Variants in CD72 observed in about 807,000 individuals in gnomAD.
CD72 encodes B-cell differentiation antigen CD72.
Under a neutral mutation model 50.7 loss-of-function variants are expected in CD72, and 28 were observed. The ratio of observed to expected loss-of-function variants is 0.55; its 90% CI spans 0.41 to 0.76. The LOEUF (loss-of-function observed/expected upper bound fraction) is 0.76. Ranked by LOEUF, CD72 falls within the 30% of genes least tolerant of loss-of-function variation. The pLI, the probability that CD72 is intolerant of heterozygous loss-of-function variation, is 0.00. For synonymous variants in CD72, 176 were observed against 171.2 expected (o/e 1.03, Z -0.22); for missense variants, 403 against 420.6 (o/e 0.96, Z 0.37).
intron 1 of CD72, among the ~76,000 whole-genome samples, chr9:35,634,043 A>G (rs573966142): frequency 5.3e-5 from 8 of 152,328 alleles, no homozygotes; most frequent in African/African-American, 1.2e-4. Flanking sequence ...TTTTAATGGT[A>G]GATTTCAGTC....
intron 1 of CD72, among the ~76,000 whole-genome samples, chr9:35,645,393 C>A (rs1587911297): frequency 6.6e-6 from 1 of 152,018 alleles, no homozygotes; most frequent in Non-Finnish European, 1.5e-5. Context: ...ACCGGCCTGG[C>A]CAACACGGTG....
At chr9:35,621,367 G>T (rs897340815), upstream of CD72, among the ~76,000 whole-genome samples, 1 of 152,296 alleles carries the variant, frequency 6.6e-6, no homozygotes, top group East Asian at 1.9e-4. Flanking sequence ...GTGGAAGGGG[G>T]CTCACCTGAT....
chr9:35,616,055 T>C lies in CD72; in HGVS notation c.576A>G (p.Arg192=), dbSNP rs369565307. ...EGQLQACQAD[R]QKTKETLQSE... ...TTTGCAAGGTCTCCTTCGTCTTCTG[T>C]CTGTCTGCCTGGCAGGCCTGTAGCT... Residue 192 remains arginine, a synonymous_variant, in exon 5 of 9, where the codon AGA becomes AGG. Transcript: ENST00000259633. 1.4e-4 allele frequency: 218 copies of C among 1,614,020 alleles called. No homozygotes were observed. Among genetic ancestry groups the C allele is most frequent in the Admixed American group, 4.2e-4 (25 of 59,992 alleles).
At chr9:35,639,093 T>G (rs1195314899) in intron 1 of CD72, among the ~76,000 whole-genome samples, 1 of 151,914 alleles carries the variant, frequency 6.6e-6, no homozygotes, top group South Asian at 2.1e-4. Flanking sequence ...TTTGACACAT[T>G]ATTTCAAAAG....
chr9:35,625,943 G>C (rs1003391562), intron 1 of CD72, among the ~76,000 whole-genome samples: 4 of 152,120 alleles, frequency 2.6e-5, no homozygotes, highest in African/African-American at 9.7e-5. Context: ...CATTGGCAAT[G>C]TGCCTAGTCA....
exon 1 of CD72, chr9:35,646,496 G>A (rs1399720700): frequency 6.6e-6 from 1 of 152,264 alleles, no homozygotes; most frequent in Non-Finnish European, 1.5e-5. Flanking sequence ...GATGTCTTAA[G>A]TTCCAGGTTC....
At position 35,610,636 on chromosome 9, in the gene CD72, C is replaced by T. The variant is rs1219089675; in HGVS notation, c.1068G>A (p.Arg356=). The T allele has an allele frequency of 1.2e-6, 2 of 1,613,854 alleles. No individual in the cohort carries two copies. Among genetic ancestry groups the T allele is most frequent in the East Asian group, 2.2e-5 (1 of 44,888 alleles). ...LPYICEMTAF[R]FPD ...GCAAAGGACTGTCCTAATCTGGAAA[C>T]CTGAAAGCTGTCATCTCACAGATGT... Residue 356 remains arginine (R), a synonymous_variant, in exon 8 of 9, where the codon AGG becomes AGA. Coordinates refer to ENST00000259633, the MANE Select transcript of CD72 (RefSeq NM_001782.3).
rs558606506 is a variant in CD72 at position 35,610,026 on chromosome 9, C to T, written c.*297G>A. 13 of 385,964 alleles carry T rather than the reference C, an allele frequency of 3.4e-5. No individual in the cohort carries two copies. The South Asian group carries it at 3.5e-4, about 11-fold the overall frequency. The allele number at this position is 385,964 out of a possible 1,614,324, so 23.9% of individuals were successfully genotyped here. ...TAAAACTGCCTGGCTGGCTCCGGGC[C>T]GCCCCTATCCGCTCAGCCCGTGCGC... is the stretch of plus-strand genomic sequence containing the variant. On this transcript the variant is annotated 3_prime_UTR_variant, in exon 9 of 9. Coordinates refer to ENST00000259633, the MANE Select transcript of CD72 (RefSeq NM_001782.3).
At chr9:35,645,880 C>A (rs1271488187) in intron 1 of CD72, among the ~76,000 whole-genome samples, 1 of 151,838 alleles carries the variant, frequency 6.6e-6, no homozygotes, top group Admixed American at 6.6e-5. Context: ...AAGAACCTGG[C>A]CAGGCTCGGT....
At position 35,611,715 on chromosome 9, in the gene CD72, G is replaced by C. The variant is rs890471976; in HGVS notation, c.950+89C>G. ...GTGTTGATTTATGGGAGAGTCCTGA[G>C]GGGACCAGGTGGGAAGGAAATCTGA... On this transcript the variant is annotated intron_variant, in intron 7 of 8. Coordinates refer to ENST00000259633, the MANE Select transcript of CD72 (RefSeq NM_001782.3). 5.1e-5 allele frequency: 38 copies of C among 746,374 alleles called. No individual in the cohort carries two copies. In the South Asian group the frequency reaches 5.6e-4, roughly 11 times the overall value. 46.2% of individuals were successfully genotyped at this position (746,374 alleles called of 1,614,324 possible).
chr9:35,625,882 T>C (rs1823193136), intron 1 of CD72, among the ~76,000 whole-genome samples: 1 of 152,192 alleles, frequency 6.6e-6, no homozygotes, highest in African/African-American at 2.4e-5. Context: ...AAGCCCACCA[T>C]TGACACCTAC....
At position 35,618,006 on chromosome 9, in the gene CD72, C is replaced by G; in HGVS notation, c.190+8G>C. Reference sequence around the variant, plus strand: ...CCAACAAACACACATCCCCCAGGCTCTCCAGACCTGCTTTGTCCCCTAGTA... The same window carrying G: ...CCAACAAACACACATCCCCCAGGCTGTCCAGACCTGCTTTGTCCCCTAGTA... On this transcript the variant is annotated splice_region_variant and intron_variant, in intron 2 of 8. Coordinates refer to ENST00000259633, the MANE Select transcript of CD72 (RefSeq NM_001782.3). The G allele has an allele frequency of 6.4e-7, 1 of 1,565,538 alleles. No individual in the cohort carries two copies. The highest frequency in any genetic ancestry group is 8.8e-7 in the Non-Finnish European group (1 of 1,135,600).
At chr9:35,627,646 A>C (rs927372171) in intron 1 of CD72, among the ~76,000 whole-genome samples, 3 of 152,132 alleles carry the variant, frequency 2.0e-5, no homozygotes, top group African/African-American at 7.2e-5. Context: ...TCAGAAATGA[A>C]GGTCTGGCTC....
At position 35,616,990 on chromosome 9, in the gene CD72, G is replaced by A. The variant is rs1054420110; in HGVS notation, c.262+186C>T. 10 of 1,443,826 alleles carry A rather than the reference G, an allele frequency of 6.9e-6. No homozygotes were observed. In the African/African-American group the frequency reaches 1.3e-4, roughly 19 times the overall value. 89.4% of individuals were successfully genotyped at this position (1,443,826 alleles called of 1,614,324 possible). The stretch of plus-strand genomic sequence containing the variant: ...TAGGTGAATTGGGACCATCCGCAGG[G>A]GGGCGGTGCACGTCGGATTCAGGCG... On this transcript the variant is annotated intron_variant, in intron 3 of 8. Coordinates refer to ENST00000259633, the MANE Select transcript of CD72 (RefSeq NM_001782.3).
At chr9:35,629,740 G>C (rs1360373579) in intron 1 of CD72, among the ~76,000 whole-genome samples, 1 of 152,338 alleles carries the variant, frequency 6.6e-6, no homozygotes, top group East Asian at 1.9e-4. Context: ...TGACGCGAAT[G>C]TCCTGCCACA....
chr9:35,616,383 C>T, intron 4 of CD72, 105 bp from the exon 5 acceptor site: 1 of 952,038 alleles, frequency 1.1e-6, no homozygotes, highest in Non-Finnish European at 1.6e-6. Flanking sequence ...TTTTGCATCA[C>T]AGGCTGAAAT....
Position 35,618,074 on chromosome 9 carries a change from C to G in CD72, c.130G>C (p.Val44Leu). Reference protein sequence around the residue: ...DGEITYENVQVPAVLGVPSSL... With the variant: ...DGEITYENVQLPAVLGVPSSL... ...GAGGGCACCCCTAGGACTGCGGGCA[C>G]TTGAACATTCTCGTAGGTGATTTCC... is the stretch of plus-strand genomic sequence containing the variant. Residue 44 changes from valine to leucine, a missense_variant, in exon 2 of 9, where the codon GTG (valine) becomes CTG (leucine). Transcript: ENST00000259633. 2 of 1,614,168 alleles carry G rather than the reference C, an allele frequency of 1.2e-6. No individual in the cohort carries two copies. The highest frequency in any genetic ancestry group is 1.7e-6 in the Non-Finnish European group (2 of 1,179,996).
At chr9:35,631,969 G>A (rs1823250249) in intron 1 of CD72, among the ~76,000 whole-genome samples, 2 of 152,052 alleles carry the variant, frequency 1.3e-5, no homozygotes, top group South Asian at 4.1e-4. Context: ...ACTCATATCT[G>A]GTGCCATGTG....
chr9:35,610,062 C>G lies in CD72; in HGVS notation c.*261G>C, dbSNP rs187524013. 1 of 310,380 alleles carries G rather than the reference C, an allele frequency of 3.2e-6. No homozygotes were observed. The highest frequency in any genetic ancestry group is 6.1e-5 in the East Asian group (1 of 16,452). 19.2% of individuals were successfully genotyped at this position (310,380 alleles called of 1,614,324 possible). A position where few individuals can be genotyped will look rare whatever the true frequency, so the allele number is the denominator to read the frequency against. On this transcript the variant is annotated 3_prime_UTR_variant, in exon 9 of 9. Coordinates refer to ENST00000259633, the MANE Select transcript of CD72 (RefSeq NM_001782.3). ...GCTCAGCCCGTGCGCCCTCCTCCCC[C>G]ACCCCATTCTACCATGGGAAGTTCT...
Sources: allele counts gnomAD v4.1 joint callset (sites outside exome capture counted in the v4.1 genomes callset), GRCh38; gene constraint gnomAD v4.1.1; transcripts MANE v1.5; gene names NCBI Gene and HGNC (gene_info 2026-07-23, HGNC 2026-07-21).